The following LRRTM4 variants were observed in gnomAD, a reference collection of about 807,000 sequenced individuals.
LRRTM4 encodes the protein leucine-rich repeat transmembrane neuronal protein 4.
In LRRTM4, 25 loss-of-function variants were observed where a neutral mutation model predicts 47.6. The observed-to-expected ratio is 0.53, with a 90% confidence interval of 0.38 to 0.73. The LOEUF (loss-of-function observed/expected upper bound fraction) is 0.73, where lower values mean the gene tolerates loss of function less well. Among genes scored for constraint, LRRTM4 ranks in the 30% least tolerant of loss-of-function variants. The pLI, the probability that LRRTM4 is intolerant of heterozygous loss-of-function variation, is 0.00. For missense variants in LRRTM4, 638 were observed against 713.4 expected (o/e 0.89, Z 1.20); for synonymous variants, 311 against 269.5 (o/e 1.15, Z -1.51).
intron 3 of LRRTM4, among the ~76,000 whole-genome samples, chr2:77,354,445 T>A (rs1181141163): frequency 2.0e-5 from 3 of 152,136 alleles, no homozygotes; most frequent in Admixed American, 1.3e-4. Context: ...GGGTGGGTAA[T>A]GCTTCAGCGG....
At chr2:77,021,795 T>C (rs573671177) in intron 3 of LRRTM4, among the ~76,000 whole-genome samples, 2 of 152,230 alleles carry the variant, frequency 1.3e-5, no homozygotes, top group South Asian at 2.1e-4. Flanking sequence ...CAATTACTAA[T>C]GCCATAAATT....
intron 3 of LRRTM4, among the ~76,000 whole-genome samples, chr2:77,264,328 G>C (rs190745752): frequency 2.3e-3 from 346 of 151,062 alleles, no homozygotes; most frequent in African/African-American, 8.1e-3. Context: ...GAGAGAGACA[G>C]AGAGAGAGAG....
chr2:77,215,068 C>T (rs1423801818), intron 3 of LRRTM4, among the ~76,000 whole-genome samples: 1 of 152,134 alleles, frequency 6.6e-6, no homozygotes, highest in African/African-American at 2.4e-5. Context: ...ATGTGGCTTA[C>T]TGTAGTCAAT....
At chr2:76,932,409 G>A (rs1043483322) in intron 3 of LRRTM4, among the ~76,000 whole-genome samples, 1 of 151,980 alleles carries the variant, frequency 6.6e-6, no homozygotes, top group Non-Finnish European at 1.5e-5. Flanking sequence ...ATTATGATAT[G>A]TATACAGGTA....
chr2:76,920,364 A>G (rs936358760), intron 3 of LRRTM4, among the ~76,000 whole-genome samples: 1 of 152,170 alleles, frequency 6.6e-6, no homozygotes, highest in African/African-American at 2.4e-5. Flanking sequence ...TGAATCCTTC[A>G]GCACAATTTT....
At chr2:76,798,582 G>C (rs1443819201) in intron 3 of LRRTM4, among the ~76,000 whole-genome samples, 3 of 150,352 alleles carry the variant, frequency 2.0e-5, no homozygotes, top group Admixed American at 1.3e-4. Context: ...CTAGCAGAAG[G>C]CAAGAAATAA....
chr2:76,930,135 AC>A (rs1270604486), intron 3 of LRRTM4, among the ~76,000 whole-genome samples: 2 of 152,128 alleles, frequency 1.3e-5, no homozygotes, highest in Admixed American at 6.6e-5. Flanking sequence ...CCAATCCACA[AC>A]AAACCCATAA....
intron 3 of LRRTM4, among the ~76,000 whole-genome samples, chr2:76,908,445 C>T (rs1389528230): frequency 1.3e-5 from 2 of 150,894 alleles, no homozygotes; most frequent in Admixed American, 6.6e-5. Context: ...GACAGGGATG[C>T]CCTCTCTCAC....
intron 3 of LRRTM4, among the ~76,000 whole-genome samples, chr2:77,176,769 A>G (rs997130444): frequency 1.3e-5 from 2 of 152,174 alleles, no homozygotes; most frequent in African/African-American, 2.4e-5. Context: ...TGCTCCTGAG[A>G]TAGGAATCTG....
intron 3 of LRRTM4, among the ~76,000 whole-genome samples, chr2:77,090,033 C>T (rs1482986603): frequency 6.6e-6 from 1 of 152,108 alleles, no homozygotes; most frequent in Non-Finnish European, 1.5e-5. Context: ...ACAGACCCAC[C>T]TGACCTCTCC....
At chr2:76,853,527 G>A (rs1424227481) in intron 3 of LRRTM4, among the ~76,000 whole-genome samples, 1 of 151,964 alleles carries the variant, frequency 6.6e-6, no homozygotes, top group Non-Finnish European at 1.5e-5. Context: ...TGAGAACACT[G>A]CTTAGTTGTG....
At chr2:76,816,916 C>G (rs1446786167) in intron 3 of LRRTM4, among the ~76,000 whole-genome samples, 1 of 139,890 alleles carries the variant, frequency 7.1e-6, no homozygotes, top group African/African-American at 2.6e-5. Context: ...AAATAAATGG[C>G]TTTTCATGTT....
intron 3 of LRRTM4, among the ~76,000 whole-genome samples, chr2:76,994,968 A>C (rs1245682712): frequency 2.0e-5 from 3 of 151,944 alleles, no homozygotes; most frequent in Non-Finnish European, 4.4e-5. Context: ...CCTTCCTGAC[A>C]TTTTTATCTA....
In LRRTM4 at chr2:77,097,008, T is replaced by C. The variant is rs576641990; in HGVS notation, c.1552-348092A>G. Among the ~76,000 whole-genome samples, 61 of 151,800 alleles carry C rather than the reference T, an allele frequency of 4.0e-4. 2 individuals are homozygous for C. In the South Asian group the frequency reaches 0.012, roughly 29 times the overall value. On this transcript the variant is annotated intron_variant, in intron 3 of 3. Transcript: ENST00000409884. ...TTATTTATAATGAACACAACAAAAG[T>C]GTAAGGTTATAGAACATTTGAAAGC... is the stretch of plus-strand genomic sequence containing the variant.
At chr2:77,511,983 T>C (rs1333429361) in intron 3 of LRRTM4, among the ~76,000 whole-genome samples, 2 of 152,122 alleles carry the variant, frequency 1.3e-5, no homozygotes, top group Non-Finnish European at 2.9e-5. Flanking sequence ...GCGTCTTAGT[T>C]TTGCCCAGGT....
intron 3 of LRRTM4, among the ~76,000 whole-genome samples, chr2:76,959,622 A>G (rs1200571503): frequency 6.6e-6 from 1 of 151,730 alleles, no homozygotes; most frequent in Non-Finnish European, 1.5e-5. Context: ...ACTTACTCCT[A>G]TTGGAAAATT....
At chr2:77,406,362 C>T (rs1674181999) in intron 3 of LRRTM4, among the ~76,000 whole-genome samples, 1 of 152,048 alleles carries the variant, frequency 6.6e-6, no homozygotes, top group South Asian at 2.1e-4. Context: ...CATTCTGTTG[C>T]CCAGGCTGGA....
intron 3 of LRRTM4, among the ~76,000 whole-genome samples, chr2:77,057,604 G>C (rs1313944270): frequency 6.6e-6 from 1 of 152,094 alleles, no homozygotes; most frequent in Non-Finnish European, 1.5e-5. Context: ...AACCCAGCTA[G>C]TCCAGTGATT....
At chr2:77,163,009 T>G (rs1324240862) in intron 3 of LRRTM4, among the ~76,000 whole-genome samples, 1 of 152,108 alleles carries the variant, frequency 6.6e-6, no homozygotes, top group Non-Finnish European at 1.5e-5. Flanking sequence ...CTTTAGACAA[T>G]AGGTAATAAC....
Sources: allele counts gnomAD v4.1 joint callset (sites outside exome capture counted in the v4.1 genomes callset), GRCh38; gene constraint gnomAD v4.1.1; transcripts MANE v1.5; gene names NCBI Gene and HGNC (gene_info 2026-07-23, HGNC 2026-07-21).